MTBP: variants seen among roughly 807,000 people sequenced by gnomAD.
MTBP encodes MDM2 binding protein, also known as mdm2-binding protein.
MTBP carries 101 observed loss-of-function variants against 117.0 expected under a neutral mutation model. That is an observed-to-expected ratio of 0.86 (90% CI 0.73 to 1.02). The LOEUF is 1.02. MTBP is among the 50% of genes least tolerant of loss of function. The pLI, the probability that MTBP is intolerant of heterozygous loss-of-function variation, is 0.00. For synonymous variants in MTBP, 350 were observed against 351.5 expected, an observed-to-expected ratio of 1.00 and a Z score of 0.05; for missense variants, 970 against 1,030.9, an observed-to-expected ratio of 0.94 and a Z score of 0.81.
Position 120,464,746 on chromosome 8 carries a change from A to G in MTBP, c.1047+985A>G, listed in dbSNP as rs1174661588. ...TTATTTGATGAAGTGGCCTTTACCAATATTAACCTGGCTTTCATCCTCTAA... is the reference window on the plus strand; with the variant it reads ...TTATTTGATGAAGTGGCCTTTACCAGTATTAACCTGGCTTTCATCCTCTAA... On this transcript the variant is annotated intron_variant, in intron 10 of 21. Coordinates refer to ENST00000305949, the MANE Select transcript of MTBP (RefSeq NM_022045.5). 2.6e-5 allele frequency among the ~76,000 whole-genome samples: 4 copies of G among 152,090 alleles called. No individual in the cohort carries two copies. In the East Asian group the frequency reaches 7.7e-4, roughly 29 times the overall value.
intron 17 of MTBP, among the ~76,000 whole-genome samples, chr8:120,510,534 T>A (rs929030213): frequency 6.6e-6 from 1 of 152,190 alleles, no homozygotes; most frequent in African/African-American, 2.4e-5. Flanking sequence ...GCAATACTAT[T>A]CAACTATAAC....
rs1813204551 is a variant in MTBP, at chr8:120,445,544, A to G, written c.74A>G (p.His25Arg). 1 of 1,613,504 alleles carries G rather than the reference A, an allele frequency of 6.2e-7. No individual in the cohort carries two copies. The highest frequency in any genetic ancestry group is 1.3e-5 in the African/African-American group (1 of 74,890). Residue 25 changes from histidine (H) to arginine (R), a missense_variant, in exon 1 of 22, where the codon CAT (histidine) becomes CGT (arginine). By Grantham distance (29) the His-to-Arg change is conservative. Coordinates refer to ENST00000305949, the MANE Select transcript of MTBP (RefSeq NM_022045.5). Reference sequence around the variant, plus strand: ...TCGGCGGCCAGTAGGGAGGCAGAACATGGGCCAGAGGTGTCGTCGGGTGAG... The same window carrying G: ...TCGGCGGCCAGTAGGGAGGCAGAACGTGGGCCAGAGGTGTCGTCGGGTGAG... ...FPSAASREAEHGPEVSSGEGT... is the reference protein window; with the variant it reads ...FPSAASREAERGPEVSSGEGT...
intron 12 of MTBP, among the ~76,000 whole-genome samples, chr8:120,489,258 C>T (rs1814290737): frequency 6.6e-6 from 1 of 151,952 alleles, no homozygotes; most frequent in Admixed American, 6.6e-5. Context: ...AGGATGGTCT[C>T]GATCTCTTGA....
At chr8:120,452,776 G>A (rs947832135) in intron 4 of MTBP, 22 of 147,698 alleles carry the variant, frequency 1.5e-4, no homozygotes, top group African/African-American at 5.5e-4. Context: ...GTTGCAGTGA[G>A]CTGAGATTCT....
chr8:120,497,203 C>T (rs978205278), intron 13 of MTBP, among the ~76,000 whole-genome samples, 190 bp from the exon 14 acceptor site: 5 of 152,166 alleles, frequency 3.3e-5, no homozygotes, highest in Non-Finnish European at 7.4e-5. Context: ...GTTTATCTCA[C>T]ATAACTGGAA....
rs78928113 is a variant in MTBP at position 120,510,916 on chromosome 8, A to G, written c.1979+887A>G. Among the ~76,000 whole-genome samples, 716 of 150,344 alleles carry G rather than the reference A, an allele frequency of 4.8e-3. 3 individuals are homozygous for G. The highest frequency in any genetic ancestry group is 0.014 in the African/African-American group (587 of 41,088). ...AGAATGAGACCCTGTCTCAAGAAAA[A>G]AAAAAAAAAAAAGAATTTGAAGACT... On this transcript the variant is annotated intron_variant, in intron 17 of 21. Coordinates refer to ENST00000305949, the MANE Select transcript of MTBP (RefSeq NM_022045.5).
chr8:120,503,968 A>T (rs1168600347), intron 15 of MTBP, among the ~76,000 whole-genome samples: 2 of 152,096 alleles, frequency 1.3e-5, no homozygotes, highest in Non-Finnish European at 2.9e-5. Context: ...TTTGGGGAGA[A>T]AAAGTCAAGA....
intron 13 of MTBP, among the ~76,000 whole-genome samples, chr8:120,491,655 T>G (rs1297554289): frequency 6.6e-6 from 1 of 152,250 alleles, no homozygotes; most frequent in Non-Finnish European, 1.5e-5. Flanking sequence ...AGCTGTATTA[T>G]TCATTTTTTA....
chr8:120,461,072 C>A, intron 8 of MTBP, 89 bp from the exon 9 acceptor site: 1 of 938,716 alleles, frequency 1.1e-6, no homozygotes, highest in Non-Finnish European at 1.6e-6. Context: ...TTTTTAAGAT[C>A]CATTTTAAAG....
In MTBP at chr8:120,506,723, A is replaced by G; in HGVS notation, c.1745A>G (p.His582Arg). ...KQKMRTGSLP[H>R]SSEQLLGHKE... ...TTTCCCAGAACTGGTTCATTACCTCATTCATCTGAACAGTTGCTGGGCCAC... is the reference window on the plus strand; with the variant it reads ...TTTCCCAGAACTGGTTCATTACCTCGTTCATCTGAACAGTTGCTGGGCCAC... Residue 582 changes from histidine (H) to arginine (R), a missense_variant, in exon 16 of 22, where the codon CAT becomes CGT. Coordinates refer to ENST00000305949, the MANE Select transcript of MTBP (RefSeq NM_022045.5). The G allele has an allele frequency of 6.2e-7, 1 of 1,607,390 alleles. No individual in the cohort carries two copies. Among genetic ancestry groups the G allele is most frequent in the Non-Finnish European group, 8.5e-7 (1 of 1,177,768 alleles).
At chr8:120,485,681 GTTTC>G (rs1220941760) in intron 11 of MTBP, among the ~76,000 whole-genome samples, 1 of 152,036 alleles carries the variant, frequency 6.6e-6, no homozygotes, top group Non-Finnish European at 1.5e-5. Flanking sequence ...ACACATTCCT[GTTTC>G]TTTGTATGTC....
intron 13 of MTBP, among the ~76,000 whole-genome samples, chr8:120,496,410 T>G (rs1009039999): frequency 6.6e-6 from 1 of 152,220 alleles, no homozygotes. Flanking sequence ...TTTTGTATGC[T>G]TACTTCTAAA....
chr8:120,502,435 T>C, intron 14 of MTBP, 57 bp from the exon 15 acceptor site: 2 of 1,204,962 alleles, frequency 1.7e-6, no homozygotes, highest in South Asian at 1.5e-5. Flanking sequence ...ACATTTTTAT[T>C]AGCAAAATTC....
intron 17 of MTBP, among the ~76,000 whole-genome samples, chr8:120,510,644 G>A (rs117709849): frequency 0.02 from 3,055 of 152,290 alleles, 49 homozygotes; most frequent in Non-Finnish European, 0.033. Flanking sequence ...GCTAACGCCT[G>A]TAATCCCAAC....
chr8:120,488,329 T>G lies in MTBP; in HGVS notation c.1336T>G (p.Leu446Val). The change falls in exon 12 of 22, where the codon TTG becomes GTG. Residue 446 changes from leucine (L) to valine (V), a missense_variant. By Grantham distance (32) the Leu-to-Val change is conservative (BLOSUM62 1). Transcript: ENST00000305949. ...GAAAACAAAGACAGAAGAAGCCAAA[T>G]TGAGTAAGTGTTAACTTCAGGTAGA... ...KMKTKTEEAK[L>V]SFPFDLLSLP... is the part of the protein sequence containing the mutation. 1 of 1,540,410 alleles carries G rather than the reference T, an allele frequency of 6.5e-7. No homozygotes were observed. Among genetic ancestry groups the G allele is most frequent in the Non-Finnish European group, 8.7e-7 (1 of 1,150,498 alleles).
chr8:120,450,473 A>T (rs930020861), intron 2 of MTBP, among the ~76,000 whole-genome samples: 1 of 152,030 alleles, frequency 6.6e-6, no homozygotes, highest in Non-Finnish European at 1.5e-5. Flanking sequence ...ATTCTTTATG[A>T]CTCCTTGACA....
Position 120,463,700 on chromosome 8 carries a change from C to G in MTBP, c.986C>G (p.Thr329Arg). ...MSDIEFELGL[T>R]NSTKQNSVLL... ...TTAACTCCTTAGTACAGAGGATTGACAAACAGTACCAAACAGAATTCTGTG... is the reference window on the plus strand; with the variant it reads ...TTAACTCCTTAGTACAGAGGATTGAGAAACAGTACCAAACAGAATTCTGTG... The change falls in exon 10 of 22, where the codon ACA becomes AGA. Residue 329 changes from threonine to arginine, a missense_variant. By Grantham distance (71) the Thr-to-Arg change is moderately conservative. Transcript: ENST00000305949. The G allele has an allele frequency of 1.2e-6, 2 of 1,610,128 alleles. No individual in the cohort carries two copies. Among genetic ancestry groups the G allele is most frequent in the South Asian group, 2.2e-5 (2 of 90,448 alleles).
chr8:120,495,178 G>A (rs1814425347), intron 13 of MTBP, among the ~76,000 whole-genome samples: 1 of 152,044 alleles, frequency 6.6e-6, no homozygotes, highest in South Asian at 2.1e-4. Context: ...GTTCTTGCAT[G>A]TCTGAAAATT....
chr8:120,502,464 A>C (rs1189318915), intron 14 of MTBP, 28 bp from the exon 15 acceptor site: 1 of 1,439,020 alleles, frequency 6.9e-7, no homozygotes, highest in Non-Finnish European at 9.6e-7. Flanking sequence ...AATACTTTTC[A>C]GACTTATGTG....
Sources: allele counts gnomAD v4.1 joint callset (sites outside exome capture counted in the v4.1 genomes callset), GRCh38; gene constraint gnomAD v4.1.1; transcripts MANE v1.5; gene names NCBI Gene and HGNC (gene_info 2026-07-23, HGNC 2026-07-21).